Variants in SLC4A7 observed in about 807,000 individuals in gnomAD.
SLC4A7 encodes the protein sodium bicarbonate cotransporter 3.
SLC4A7 carries 51 observed loss-of-function variants against 137.6 expected under a neutral mutation model. That is an observed-to-expected ratio of 0.37 (90% CI 0.30 to 0.47). The LOEUF (loss-of-function observed/expected upper bound fraction) is 0.47, where lower values mean the gene tolerates loss of function less well. Ranked by LOEUF, SLC4A7 falls within the 20% of genes least tolerant of loss-of-function variation. The pLI is 1.00. For missense variants in SLC4A7, 1,247 were observed against 1,525.4 expected (o/e 0.82, Z 3.04); for synonymous variants, 542 against 518.6 (o/e 1.05, Z -0.61).
At chr3:27,403,795 C>T (rs1045317340) in intron 14 of SLC4A7, among the ~76,000 whole-genome samples, 1 of 152,130 alleles carries the variant, frequency 6.6e-6, no homozygotes, top group Non-Finnish European at 1.5e-5. Context: ...TGTATCAATA[C>T]AGTAACCAGC....
At chr3:27,470,308 G>A (rs557609240) in intron 1 of SLC4A7, among the ~76,000 whole-genome samples, 12 of 151,644 alleles carry the variant, frequency 7.9e-5, no homozygotes, top group Non-Finnish European at 1.5e-4. Flanking sequence ...TCTGTCGGCA[G>A]TTCTTTCTTC....
intron 1 of SLC4A7, among the ~76,000 whole-genome samples, chr3:27,483,520 G>A (rs1035516004): frequency 2.0e-5 from 3 of 152,228 alleles, no homozygotes; most frequent in Admixed American, 6.5e-5. Flanking sequence ...AGAACTCACC[G>A]AACAAAGCGC....
At chr3:27,404,993 G>T (rs1329702276) in intron 13 of SLC4A7, 30 bp from the exon 14 acceptor site, 6 of 1,507,576 alleles carry the variant, frequency 4.0e-6, no homozygotes, top group Admixed American at 2.3e-5. Flanking sequence ...ATGAATAAAA[G>T]CAATACATCA....
At chr3:27,467,567 G>C (rs1379771665) in intron 1 of SLC4A7, among the ~76,000 whole-genome samples, 2 of 152,168 alleles carry the variant, frequency 1.3e-5, no homozygotes, top group Admixed American at 1.3e-4. Context: ...CAAGAAAAGA[G>C]GAAGAAGAAA....
chr3:27,383,960 A>G (rs1417786687), intron 23 of SLC4A7, among the ~76,000 whole-genome samples: 1 of 152,236 alleles, frequency 6.6e-6, no homozygotes, highest in African/African-American at 2.4e-5. Flanking sequence ...TATAGAACCC[A>G]GCAAAGCAGA....
intron 3 of SLC4A7, among the ~76,000 whole-genome samples, chr3:27,442,321 C>T (rs1431909287): frequency 6.6e-6 from 1 of 152,076 alleles, no homozygotes; most frequent in Non-Finnish European, 1.5e-5. Context: ...TTTGTTGAAA[C>T]ACAGACTAAC....
At chr3:27,403,952 T>C (rs551765088) in intron 14 of SLC4A7, among the ~76,000 whole-genome samples, 68 of 152,340 alleles carry the variant, frequency 4.5e-4, no homozygotes, top group African/African-American at 6.3e-4. Flanking sequence ...GCATGCCAGA[T>C]TGGAATCAGA....
Position 27,376,816 on chromosome 3 carries a change from C to G in SLC4A7, c.3728G>C (p.Ser1243Thr). 4 of 1,595,474 alleles carry G rather than the reference C, an allele frequency of 2.5e-6. No homozygotes were observed. The highest frequency in any genetic ancestry group is 3.4e-6 in the Non-Finnish European group (4 of 1,167,474). ...TTTCTTTCTTGGTTCATCTTCAAAA[C>G]TTATTTTCACACTCACAGGTTTATC... ...SPDKPVSVKI[S>T]FEDEPRKKYV... The change falls in exon 26 of 26, where the codon AGT (serine) becomes ACT (threonine). Residue 1243 changes from serine (S) to threonine (T), a missense_variant. Physicochemically the swap from Ser to Thr is moderately conservative, Grantham distance 58 (BLOSUM62 1). This residue lies in a region of SLC4A7 where 290 missense variants were observed against 323.8 expected (regional missense o/e 0.90). Coordinates refer to ENST00000454389, the MANE Select transcript of SLC4A7 (RefSeq NM_001321103.2).
intron 1 of SLC4A7, among the ~76,000 whole-genome samples, chr3:27,478,045 G>A (rs1419586450): frequency 6.6e-6 from 1 of 152,050 alleles, no homozygotes; most frequent in Non-Finnish European, 1.5e-5. Context: ...TACACAATTC[G>A]ACAGCTTTTC....
Position 27,421,757 on chromosome 3 carries a change from T to C in SLC4A7, c.1289A>G (p.Lys430Arg). ...GGATGCCTCAGCACCCGTAGGAATT[T>C]TTCTCATGAAATTCATATCAACCTA... ...FSKVDMNFMR[K>R]IPTGAEASNV... The change falls in exon 9 of 26, where the codon AAA becomes AGA. Residue 430 changes from lysine (K) to arginine (R), a missense_variant. Coordinates refer to ENST00000454389, the MANE Select transcript of SLC4A7 (RefSeq NM_001321103.2). 1 of 1,612,854 alleles carries C rather than the reference T, an allele frequency of 6.2e-7. No homozygotes were observed. Among genetic ancestry groups the C allele is most frequent in the Non-Finnish European group, 8.5e-7 (1 of 1,179,130 alleles).
chr3:27,400,625 T>A, intron 16 of SLC4A7, 139 bp downstream of exon 16: 1 of 574,302 alleles, frequency 1.7e-6, no homozygotes, highest in East Asian at 2.9e-5. Flanking sequence ...TAGCAACTGC[T>A]ATCTGGTCAA....
intron 5 of SLC4A7, among the ~76,000 whole-genome samples, 181 bp downstream of exon 5, chr3:27,436,203 TCTTA>T (rs941704486): frequency 7.2e-5 from 11 of 152,238 alleles, no homozygotes; most frequent in African/African-American, 2.7e-4. Context: ...CTATTCACTC[TCTTA>T]CTGATACTAC....
chr3:27,379,398 C>A, intron 24 of SLC4A7, 42 bp from the exon 25 acceptor site: 1 of 989,944 alleles, frequency 1.0e-6, no homozygotes, highest in African/African-American at 1.6e-5. Context: ...TCAGTACTTG[C>A]AAAAGCATTA....
chr3:27,401,398 C>G (rs947601247), intron 15 of SLC4A7, among the ~76,000 whole-genome samples: 5 of 152,162 alleles, frequency 3.3e-5, no homozygotes, highest in Admixed American at 2.6e-4. Context: ...ATAAGGAAAT[C>G]AGAGTTCAGT....
chr3:27,418,976 A>C (rs1024524410), intron 10 of SLC4A7, among the ~76,000 whole-genome samples: 8 of 152,178 alleles, frequency 5.3e-5, no homozygotes, highest in Non-Finnish European at 1.2e-4. Context: ...ATTTATCCTA[A>C]GAAAATAATC....
chr3:27,474,459 C>T (rs1046702988), intron 1 of SLC4A7, among the ~76,000 whole-genome samples: 2 of 152,144 alleles, frequency 1.3e-5, no homozygotes, highest in African/African-American at 4.8e-5. Context: ...TAAAGGTAAT[C>T]CCAGCACTTT....
chr3:27,449,271 T>C (rs1456316968), intron 2 of SLC4A7, among the ~76,000 whole-genome samples: 1 of 151,682 alleles, frequency 6.6e-6, no homozygotes, highest in Admixed American at 6.6e-5. Flanking sequence ...ATTTATTCCA[T>C]CTACATTTAT....
intron 7 of SLC4A7, among the ~76,000 whole-genome samples, chr3:27,426,730 T>A (rs909652236): frequency 6.6e-6 from 1 of 152,176 alleles, no homozygotes; most frequent in Non-Finnish European, 1.5e-5. Context: ...AACCTGTCCC[T>A]TTTTCAAAAC....
rs756112803 is a variant in SLC4A7 at position 27,385,876 on chromosome 3, ATTG to A, written c.3492+13_3492+15del. On this transcript the variant is annotated intron_variant, in intron 23 of 25. Transcript: ENST00000454389. ...AATAAGGAAGTGGTGTAAGTTTAAA[ATTG>A]TTATCTTTTTACCTCTTTCTCTTTT... 2 of 1,493,928 alleles carry A rather than the reference ATTG, an allele frequency of 1.3e-6. No homozygotes were observed. Among genetic ancestry groups the A allele is most frequent in the Non-Finnish European group, 1.8e-6 (2 of 1,084,002 alleles). 92.5% of individuals were successfully genotyped at this position (1,493,928 alleles called of 1,614,324 possible).
Sources: allele counts gnomAD v4.1 joint callset (sites outside exome capture counted in the v4.1 genomes callset), GRCh38; gene constraint gnomAD v4.1.1; regional missense constraint gnomAD v4.1.1; transcripts MANE v1.5; gene names NCBI Gene and HGNC (gene_info 2026-07-23, HGNC 2026-07-21).